CARS1: variants seen among roughly 807,000 people sequenced by gnomAD.
The protein encoded by CARS1 is cysteinyl-tRNA synthetase 1, also known as cysteine--tRNA ligase, cytoplasmic.
Under a neutral mutation model 106.2 loss-of-function variants are expected in CARS1, and 48 were observed. The observed-to-expected ratio is 0.45, with a 90% CI of 0.36 to 0.57. The LOEUF is 0.57. CARS1 is among the 20% of genes least tolerant of loss of function. CARS1 has a pLI of 0.00. For synonymous variants in CARS1, 409 were observed against 403.4 expected (o/e 1.01, Z -0.17); for missense variants, 968 against 1,057.2 (o/e 0.92, Z 1.17).
chr11:3,001,382 A>T, intron 22 of CARS1, 134 bp from the exon 23 acceptor site: 1 of 1,011,208 alleles, frequency 9.9e-7, no homozygotes, highest in Non-Finnish European at 1.5e-6. Flanking sequence ...ACATTCAGTC[A>T]CCACACTGCT....
At position 3,045,624 on chromosome 11, in the gene CARS1, G is replaced by A. The variant is rs1163533306; in HGVS notation, c.274+2129C>T. On this transcript the variant is annotated intron_variant, in intron 2 of 22. Coordinates refer to ENST00000380525, the MANE Select transcript of CARS1 (RefSeq NM_001014437.3). The surrounding 1 kb of genome is among the most constrained non-coding windows in gnomAD (Gnocchi z 5.6). ...GACAGGACACAGAAGGCACATGGGA[G>A]GAGCTGGTAACAGGCGGGCACACTG... is the stretch of plus-strand genomic sequence containing the variant. 6.6e-6 allele frequency among the ~76,000 whole-genome samples: 1 copy of A among 151,898 alleles called. No individual in the cohort carries two copies. The highest frequency in any genetic ancestry group is 1.5e-5 in the Non-Finnish European group (1 of 67,956).
intron 7 of CARS1, chr11:3,031,411 T>C (rs1035264198): frequency 6.6e-6 from 1 of 152,154 alleles, no homozygotes; most frequent in Admixed American, 6.5e-5. Flanking sequence ...ACTTCTAAGA[T>C]AATGTTTCTA....
At chr11:3,055,054 A>G in intron 1 of CARS1, 1 of 677,412 alleles carries the variant, frequency 1.5e-6, no homozygotes, top group Non-Finnish European at 2.7e-6. Flanking sequence ...ACACCCAGTG[A>G]GATCAGGAAA....
rs1851460297 is a variant in CARS1, at chr11:3,020,331, A to T, written c.1155T>A (p.Gly385=). ...GGCGGTCTGCAGAGATGCTCAGGTC[A>T]CCTGCAAACACGAGGGACGCCAGGC... ...GDQKALQEGE[G]DLSISADRLS... Residue 385 remains glycine (G), a splice_region_variant and synonymous_variant, in exon 11 of 23, where the codon GGT becomes GGA. Transcript: ENST00000380525. This position sits in a 1 kb window ranked among gnomAD's most constrained non-coding sequence, Gnocchi z 4.6. 2 of 1,604,612 alleles carry T rather than the reference A, an allele frequency of 1.2e-6. No homozygotes were observed. Among genetic ancestry groups the T allele is most frequent in the African/African-American group, 2.7e-5 (2 of 74,838 alleles).
Position 3,002,744 on chromosome 11 carries a change from G to A in CARS1, c.2218-144C>T, listed in dbSNP as rs1590303949. On this transcript the variant is annotated intron_variant, in intron 20 of 22. Transcript: ENST00000380525. The stretch of plus-strand genomic sequence containing the variant: ...CTGACCAGGCCCTCCCCACTGTGGG[G>A]AGACAAGCCCATGTGCCGGGCAGCA... 5.7e-6 allele frequency: 8 copies of A among 1,399,574 alleles called. No individual in the cohort carries two copies. The East Asian group carries it at 1.9e-4, about 33-fold the overall frequency. The allele number at this position is 1,399,574 out of a possible 1,614,324, so 86.7% of individuals were successfully genotyped here. A position where few individuals can be genotyped will look rare whatever the true frequency, so the allele number is the denominator to read the frequency against.
chr11:3,023,688 A>G (rs990377085), intron 10 of CARS1, among the ~76,000 whole-genome samples: 29 of 125,072 alleles, frequency 2.3e-4, no homozygotes, highest in Admixed American at 9.8e-4. Flanking sequence ...GCTATAATTC[A>G]GCCCTAATAT....
intron 7 of CARS1, chr11:3,031,629 G>C (rs892396981): frequency 6.6e-6 from 1 of 152,252 alleles, no homozygotes; most frequent in Non-Finnish European, 1.5e-5. Context: ...CATAAGAGAA[G>C]TTAGGTCATA....
rs1446882356 is a variant in CARS1, at chr11:3,022,024, C to G, written c.1154-1692G>C. 1.3e-5 allele frequency among the ~76,000 whole-genome samples: 2 copies of G among 152,158 alleles called. No homozygotes were observed. Among genetic ancestry groups the G allele is most frequent in the Non-Finnish European group, 2.9e-5 (2 of 68,030 alleles). On this transcript the variant is annotated intron_variant, in intron 10 of 22. Coordinates refer to ENST00000380525, the MANE Select transcript of CARS1 (RefSeq NM_001014437.3). This position sits in a 1 kb window ranked among gnomAD's most constrained non-coding sequence, Gnocchi z 4.9. Reference sequence around the variant, plus strand: ...CCCTCCCCACAAACACCCTATCCTTCAGCAAACATCACACTGCAACTGCCC... The same window carrying G: ...CCCTCCCCACAAACACCCTATCCTTGAGCAAACATCACACTGCAACTGCCC...
Position 3,038,039 on chromosome 11 carries a change from T to C in CARS1, c.801+11A>G. The stretch of plus-strand genomic sequence containing the variant: ...CCGAACGGGCTGTCTGGGAGATGTG[T>C]GAAGCCTCACCTCCACACAGCTGTT... On this transcript the variant is annotated intron_variant, in intron 7 of 22. Coordinates refer to ENST00000380525, the MANE Select transcript of CARS1 (RefSeq NM_001014437.3). This position sits in a 1 kb window ranked among gnomAD's most constrained non-coding sequence, Gnocchi z 4.0. The C allele has an allele frequency of 6.2e-7, 1 of 1,608,738 alleles. No individual in the cohort carries two copies. The highest frequency in any genetic ancestry group is 8.5e-7 in the Non-Finnish European group (1 of 1,175,744).
At chr11:3,015,544 G>C (rs1176923308) in intron 17 of CARS1, among the ~76,000 whole-genome samples, 1 of 152,258 alleles carries the variant, frequency 6.6e-6, no homozygotes, top group Admixed American at 6.5e-5. Context: ...TCATGGGACA[G>C]CACAATGGCA....
intron 17 of CARS1, among the ~76,000 whole-genome samples, chr11:3,014,839 T>C (rs369016317): frequency 1.3e-5 from 2 of 152,270 alleles, no homozygotes; most frequent in Admixed American, 6.5e-5. Context: ...GGGGAGCATC[T>C]GTAAGCTCCA....
Position 3,029,004 on chromosome 11 carries a change from G to A in CARS1, c.1023C>T (p.Asn341=), listed in dbSNP as rs375814764. Residue 341 remains asparagine (N), a synonymous_variant, in exon 9 of 23, where the codon AAC becomes AAT. Coordinates refer to ENST00000380525, the MANE Select transcript of CARS1 (RefSeq NM_001014437.3). This position sits in a 1 kb window ranked among gnomAD's most constrained non-coding sequence, Gnocchi z 5.9. ...AAGGCCCTTGTGCTTACCCGTAACC[G>A]TTGTCCACAATCTTCTGGACAAAGT... ...IVNFVQKIVD[N]GYGYVSNGSV... is the part of the protein sequence containing the mutation. The A allele has an allele frequency of 2.0e-5, 33 of 1,612,256 alleles. 1 individual carries two copies. The highest frequency in any genetic ancestry group is 1.6e-4 in the Middle Eastern group (1 of 6,066).
intron 20 of CARS1, 148 bp downstream of exon 20, chr11:3,005,218 T>C (rs1043649808): frequency 1.0e-5 from 6 of 589,370 alleles, no homozygotes; most frequent in Non-Finnish European, 1.5e-5. Flanking sequence ...TAGAAGATAC[T>C]AGTTAATTTT....
In CARS1 at chr11:3,057,377, T is replaced by G. The variant is rs760160795; in HGVS notation, c.-10A>C. 42 of 1,609,858 alleles carry G rather than the reference T, an allele frequency of 2.6e-5. No homozygotes were observed. The highest frequency in any genetic ancestry group is 2.9e-5 in the Non-Finnish European group (34 of 1,178,594). ...CGGAGGAATCTGCCATGGCTGGGAA[T>G]CCCGGACCCGCAGCTGCGGCTACAG... On this transcript the variant is annotated 5_prime_UTR_variant, in exon 1 of 23. Coordinates refer to ENST00000380525, the MANE Select transcript of CARS1 (RefSeq NM_001014437.3).
rs1851314010 is a variant in CARS1 at position 3,019,079 on chromosome 11, T to C, written c.1395+60A>G. The C allele has an allele frequency of 6.7e-7, 1 of 1,485,818 alleles. No individual in the cohort carries two copies. Among genetic ancestry groups the C allele is most frequent in the Admixed American group, 2.5e-5 (1 of 40,548 alleles). 92.0% of individuals were successfully genotyped at this position (1,485,818 alleles called of 1,614,324 possible). On this transcript the variant is annotated intron_variant, in intron 12 of 22. Transcript: ENST00000380525. The surrounding 1 kb of genome is among the most constrained non-coding windows in gnomAD (Gnocchi z 6.2). ...TTCTGAGGCCTGGGCTGACTTTTCC[T>C]CCACTGCAGTATGAACACTGTGCTC...
In CARS1 at chr11:3,053,376, G is replaced by A. The variant is rs1163342258; in HGVS notation, c.25+3967C>T. ...CTCCCGAGTAGCTGGGATTACAGGTGCCCGCCACCATGCCCAGCTAATTTT... is the reference window on the plus strand; with the variant it reads ...CTCCCGAGTAGCTGGGATTACAGGTACCCGCCACCATGCCCAGCTAATTTT... On this transcript the variant is annotated intron_variant, in intron 1 of 22. Transcript: ENST00000380525. The surrounding 1 kb of genome is among the most constrained non-coding windows in gnomAD (Gnocchi z 6.6). 6.6e-6 allele frequency among the ~76,000 whole-genome samples: 1 copy of A among 151,996 alleles called. No individual in the cohort carries two copies. Among genetic ancestry groups the A allele is most frequent in the Admixed American group, 6.6e-5 (1 of 15,258 alleles).
rs757233086 is a variant in CARS1, at chr11:3,038,051, T to G, written c.800A>C (p.Glu267Ala). 4 of 1,612,114 alleles carry G rather than the reference T, an allele frequency of 2.5e-6. No homozygotes were observed. Among genetic ancestry groups the G allele is most frequent in the Non-Finnish European group, 3.4e-6 (4 of 1,178,404 alleles). The change falls in exon 7 of 23, where the codon GAG becomes GCG. Residue 267 changes from glutamate (E) to alanine (A), a missense_variant and splice_region_variant. Physicochemically the swap from Glu to Ala is moderately radical, Grantham distance 107. Transcript: ENST00000380525. The surrounding 1 kb of genome is among the most constrained non-coding windows in gnomAD (Gnocchi z 4.0). ...LTGEEVNSCV[E>A]VLLEEAKDLL... Reference sequence around the variant, plus strand: ...TCTGGGAGATGTGTGAAGCCTCACCTCCACACAGCTGTTGACTTCCTCTCC... The same window carrying G: ...TCTGGGAGATGTGTGAAGCCTCACCGCCACACAGCTGTTGACTTCCTCTCC...
intron 17 of CARS1, among the ~76,000 whole-genome samples, chr11:3,012,843 G>C (rs1397444447): frequency 1.3e-5 from 2 of 151,762 alleles, no homozygotes; most frequent in African/African-American, 2.4e-5. Context: ...TAACACTGGG[G>C]AGGTGGCCAC....
rs1042868673 is a variant in CARS1, at chr11:3,034,209, CTGTTTTT to C, written c.801+3834_801+3840del. ...GTTTGTTTGTTCTTTTTTTTGTTTT[CTGTTTTT>C]TGTTTTGTTTTGTTTTGTTTTTTTG... On this transcript the variant is annotated intron_variant, in intron 7 of 22. Transcript: ENST00000380525. This position sits in a 1 kb window ranked among gnomAD's most constrained non-coding sequence, Gnocchi z 6.3. Among the ~76,000 whole-genome samples, 3 of 146,888 alleles carry C rather than the reference CTGTTTTT, an allele frequency of 2.0e-5. No homozygotes were observed. Among genetic ancestry groups the C allele is most frequent in the Admixed American group, 1.4e-4 (2 of 13,812 alleles).
Sources: gnomAD v4.1 joint callset for allele counts (sites outside exome capture counted in the v4.1 genomes callset) on GRCh38, gnomAD v4.1.1 for gene constraint, Gnocchi (gnomAD v3.1) non-coding constraint, MANE v1.5 for transcripts, NCBI Gene and HGNC (gene_info 2026-07-23, HGNC 2026-07-21) for gene names.